TUBGCP3: variants seen among roughly 807,000 people sequenced by gnomAD.
The protein encoded by TUBGCP3 is gamma-tubulin complex component 3.
A neutral mutation model predicts 123.1 loss-of-function variants in TUBGCP3; 50 were observed. That is an observed-to-expected ratio of 0.41 (90% CI 0.32 to 0.51). The LOEUF is 0.51. TUBGCP3 is among the 20% of genes least tolerant of loss of function. The pLI, the probability that TUBGCP3 is intolerant of heterozygous loss-of-function variation, is 0.36. For synonymous variants in TUBGCP3, 405 were observed against 413.9 expected, an observed-to-expected ratio of 0.98 and a Z score of 0.26; for missense variants, 882 against 1,127.0, an observed-to-expected ratio of 0.78 and a Z score of 3.11.
At chr13:112,548,249 T>C in intron 8 of TUBGCP3, 73 bp from the exon 9 acceptor site, 1 of 1,225,844 alleles carries the variant, frequency 8.2e-7, no homozygotes, top group Non-Finnish European at 1.2e-6. Context: ...TGGAAAGGTA[T>C]AATGCGTTTA....
upstream of TUBGCP3, chr13:112,588,184 C>T: frequency 2.4e-6 from 1 of 419,728 alleles, no homozygotes; most frequent in Middle Eastern, 6.2e-4. Flanking sequence ...CGCTTCTTCC[C>T]TGCGCCGCGG....
chr13:112,564,589 G>A (rs1880804367), intron 3 of TUBGCP3, among the ~76,000 whole-genome samples: 1 of 152,194 alleles, frequency 6.6e-6, no homozygotes, highest in Non-Finnish European at 1.5e-5. Flanking sequence ...GCCCAGGCAG[G>A]AGGATTGCTT....
intron 21 of TUBGCP3, among the ~76,000 whole-genome samples, chr13:112,489,045 C>A (rs1879886432): frequency 7.3e-6 from 1 of 136,742 alleles, no homozygotes; most frequent in African/African-American, 2.8e-5. Context: ...CCACATCCCA[C>A]CACAGTGGAG....
intron 11 of TUBGCP3, among the ~76,000 whole-genome samples, chr13:112,542,072 T>C (rs144738020): frequency 1.3e-5 from 2 of 152,184 alleles, no homozygotes; most frequent in Non-Finnish European, 2.9e-5. Flanking sequence ...CTGGTGTACA[T>C]GCTGGTCAAA....
chr13:112,548,638 AG>A (rs1879276235), intron 8 of TUBGCP3, among the ~76,000 whole-genome samples: 1 of 152,240 alleles, frequency 6.6e-6, no homozygotes, highest in South Asian at 2.1e-4. Flanking sequence ...CAAATTTACA[AG>A]AAAAAATCAA....
chr13:112,578,538 G>A (rs1322545499), intron 1 of TUBGCP3, among the ~76,000 whole-genome samples: 5 of 100,796 alleles, frequency 5.0e-5, no homozygotes, highest in African/African-American at 1.7e-4. Context: ...CAGCTTGGGC[G>A]AAAGAGTGAG....
chr13:112,589,557 T>A (rs1312992623), upstream of TUBGCP3, among the ~76,000 whole-genome samples: 1 of 152,262 alleles, frequency 6.6e-6, no homozygotes, highest in Admixed American at 6.5e-5. Context: ...TGCTAATCTT[T>A]ATACCAATAG....
rs547706837 is a variant in TUBGCP3 at position 112,514,941 on chromosome 13, G to A, written c.2086+1499C>T. Among the ~76,000 whole-genome samples the A allele has an allele frequency of 1.2e-4, 18 of 152,260 alleles. No individual in the cohort carries two copies. In the South Asian group the frequency reaches 2.5e-3, roughly 21 times the overall value. ...AATCATATGTACATGAGGTAATATC[G>A]TGCTATTAAAAATGGTTCAGAAAAA... is the stretch of plus-strand genomic sequence containing the variant. On this transcript the variant is annotated intron_variant, in intron 17 of 21. Coordinates refer to ENST00000261965, the MANE Select transcript of TUBGCP3 (RefSeq NM_006322.6).
At chr13:112,486,393 T>C (rs1879672682) in intron 21 of TUBGCP3, among the ~76,000 whole-genome samples, 1 of 152,232 alleles carries the variant, frequency 6.6e-6, no homozygotes, top group African/African-American at 2.4e-5. Flanking sequence ...TAGTGAAGAA[T>C]ACATTTGATT....
chr13:112,577,628 G>A (rs2139309055), intron 1 of TUBGCP3, among the ~76,000 whole-genome samples: 1 of 152,204 alleles, frequency 6.6e-6, no homozygotes, highest in East Asian at 1.9e-4. Context: ...TAATACTAGT[G>A]TATCATTATT....
chr13:112,507,965 G>T (rs1881415766), intron 17 of TUBGCP3, among the ~76,000 whole-genome samples: 1 of 151,984 alleles, frequency 6.6e-6, no homozygotes, highest in Admixed American at 6.6e-5. Context: ...CTACTGAATG[G>T]CCACAAAACA....
At chr13:112,550,247 A>T (rs1298709619) in intron 8 of TUBGCP3, among the ~76,000 whole-genome samples, 4 of 151,960 alleles carry the variant, frequency 2.6e-5, no homozygotes, top group South Asian at 4.1e-4. Context: ...CCATCAAAAA[A>T]TTTTTTTTAA....
At chr13:112,500,181 C>T (rs1473747609) in intron 19 of TUBGCP3, among the ~76,000 whole-genome samples, 1 of 152,090 alleles carries the variant, frequency 6.6e-6, no homozygotes, top group Non-Finnish European at 1.5e-5. Flanking sequence ...GAGGGCTGAG[C>T]GGGGGTTAAT....
intron 17 of TUBGCP3, among the ~76,000 whole-genome samples, chr13:112,506,654 C>T (rs1326729597): frequency 1.3e-5 from 2 of 152,148 alleles, no homozygotes; most frequent in African/African-American, 4.8e-5. Flanking sequence ...AATGTGCATC[C>T]GAAGAATGGG....
chr13:112,504,609 C>T lies in TUBGCP3; in HGVS notation c.2175+17G>A. 2 of 1,606,916 alleles carry T rather than the reference C, an allele frequency of 1.2e-6. No homozygotes were observed. The highest frequency in any genetic ancestry group is 1.7e-6 in the Non-Finnish European group (2 of 1,174,802). ...TGACTTATTTAAACTAAAATCAACA[C>T]AATGACTGAAGTGTACCTCAAATGT... On this transcript the variant is annotated intron_variant, in intron 18 of 21. Transcript: ENST00000261965.
chr13:112,603,506 C>T, the TUBGCP3 span: 3 of 152,234 alleles, frequency 2.0e-5, no homozygotes, highest in Non-Finnish European at 4.4e-5. Flanking sequence ...GGGCAGATCG[C>T]AAGGTCAGGA....
intron 13 of TUBGCP3, among the ~76,000 whole-genome samples, chr13:112,526,388 CCAT>C (rs1391867163): frequency 2.7e-5 from 4 of 149,792 alleles, no homozygotes; most frequent in African/African-American, 4.9e-5. Flanking sequence ...ATCATTACCA[CCAT>C]CATCACCATC....
chr13:112,520,856 C>T (rs539801011), intron 14 of TUBGCP3, among the ~76,000 whole-genome samples: 8 of 152,312 alleles, frequency 5.3e-5, no homozygotes, highest in Admixed American at 1.3e-4. Flanking sequence ...CACTAATCAA[C>T]TCAGGTAGAC....
Position 112,519,337 on chromosome 13 carries a change from T to C in TUBGCP3, c.1882-294A>G, listed in dbSNP as rs1876422137. ...CGAAAACCCACTGCCTCTAAATATG[T>C]TCCAAATCTTTTTATTCCAAGATGA... On this transcript the variant is annotated intron_variant, in intron 15 of 21. Transcript: ENST00000261965. This position sits in a 1 kb window ranked among gnomAD's most constrained non-coding sequence, Gnocchi z 6.2. Among the ~76,000 whole-genome samples, 2 of 152,208 alleles carry C rather than the reference T, an allele frequency of 1.3e-5. No individual in the cohort carries two copies. The highest frequency in any genetic ancestry group is 3.8e-4 in the East Asian group (2 of 5,200).
Sources: allele counts gnomAD v4.1 joint callset (sites outside exome capture counted in the v4.1 genomes callset), GRCh38; gene constraint gnomAD v4.1.1; non-coding constraint Gnocchi (gnomAD v3.1); transcripts MANE v1.5; gene names NCBI Gene and HGNC (gene_info 2026-07-23, HGNC 2026-07-21).